ZNF672: variants seen among roughly 807,000 people sequenced by gnomAD.
ZNF672 encodes the protein hypothetical protein FLJ22301.
For synonymous variants in ZNF672, 358 were observed against 305.6 expected (o/e 1.17, Z -1.79); for missense variants, 733 against 701.1 (o/e 1.05, Z -0.51).
intron 1 of ZNF672, among the ~76,000 whole-genome samples, chr1:248,839,898 C>T (rs1051667497): frequency 1.3e-5 from 2 of 151,666 alleles, no homozygotes; most frequent in Admixed American, 1.3e-4. Context: ...GCCACCACAC[C>T]TGGCTGATTT....
Position 248,848,705 on chromosome 1 carries a change from G to A in ZNF672, c.*72G>A. 6.7e-7 allele frequency: 1 copy of A among 1,491,796 alleles called. No individual in the cohort carries two copies. Among genetic ancestry groups the A allele is most frequent in the Non-Finnish European group, 8.9e-7 (1 of 1,122,072 alleles). The allele number at this position is 1,491,796 out of a possible 1,614,324, so 92.4% of individuals were successfully genotyped here. A position where few individuals can be genotyped will look rare whatever the true frequency, so the allele number is the denominator to read the frequency against. On this transcript the variant is annotated 3_prime_UTR_variant, in exon 4 of 4. Coordinates refer to ENST00000306562, the MANE Select transcript of ZNF672 (RefSeq NM_024836.3). ...CCTATATAGTATCACGGGGACAGTT[G>A]AGGCAACTCGTAGATGGAGATTTGG...
chr1:248,845,534 T>C (rs887290221), intron 2 of ZNF672, 32 bp from the exon 3 acceptor site: 1 of 152,152 alleles, frequency 6.6e-6, no homozygotes, highest in Non-Finnish European at 1.5e-5. Flanking sequence ...TAATTCACAT[T>C]TTCCCTTTTA....
rs758032070 is a variant in ZNF672 at position 248,847,854 on chromosome 1, C to T, written c.580C>T (p.Arg194Cys). The T allele has an allele frequency of 4.6e-5, 73 of 1,582,460 alleles. 1 individual carries two copies. The East Asian group carries it at 1.0e-3, about 22-fold the overall frequency. ...IHVSRSPTRPRVSDAHQCGVC... is the reference protein window; with the variant it reads ...IHVSRSPTRPCVSDAHQCGVC... ...CGTGTCCCGGAGCCCCACGCGACCC[C>T]GTGTCTCAGACGCCCACCAGTGTGG... is the stretch of plus-strand genomic sequence containing the variant. The change falls in exon 4 of 4, where the codon CGT (arginine) becomes TGT (cysteine). Residue 194 changes from arginine (R) to cysteine (C), a missense_variant. Arg to Cys is a radical substitution (Grantham distance 180). Transcript: ENST00000306562.
chr1:248,844,016 C>T (rs1664718882), intron 1 of ZNF672, among the ~76,000 whole-genome samples: 1 of 152,176 alleles, frequency 6.6e-6, no homozygotes. Flanking sequence ...TCTTTTGTCC[C>T]ACCCCAGAAA....
intron 3 of ZNF672, 76 bp from the exon 4 acceptor site, chr1:248,846,976 C>G: frequency 2.6e-6 from 1 of 390,454 alleles, no homozygotes; most frequent in Non-Finnish European, 4.7e-6. Context: ...GAAGTTATAA[C>G]AAATAGGGAG....
intron 3 of ZNF672, among the ~76,000 whole-genome samples, chr1:248,846,809 A>G (rs954636180): frequency 2.6e-5 from 4 of 152,094 alleles, no homozygotes; most frequent in Non-Finnish European, 5.9e-5. Context: ...GCTAAATGCA[A>G]GCTCCCCTTT....
rs1405345456 is a variant in ZNF672 at position 248,848,933 on chromosome 1, G to A, written c.*300G>A. 2.0e-5 allele frequency: 13 copies of A among 662,854 alleles called. No individual in the cohort carries two copies. The highest frequency in any genetic ancestry group is 3.1e-5 in the Non-Finnish European group (11 of 350,048). The allele number at this position is 662,854 out of a possible 1,614,324, so 41.1% of individuals were successfully genotyped here. ...TGTGCAAGAGCCCAGGTGTTGGTGT[G>A]TCCCTTTAATGCTACTGTGCTCTCT... On this transcript the variant is annotated 3_prime_UTR_variant, in exon 4 of 4. Coordinates refer to ENST00000306562, the MANE Select transcript of ZNF672 (RefSeq NM_024836.3).
chr1:248,847,525 G>T lies in ZNF672; in HGVS notation c.251G>T (p.Arg84Leu), dbSNP rs1314353840. 1.9e-6 allele frequency: 3 copies of T among 1,597,128 alleles called. No individual in the cohort carries two copies. The African/African-American group carries it at 4.0e-5, about 21-fold the overall frequency. ...ECGQSFRHSG[R>L]LDLHLGAHRQ... is the part of the protein sequence containing the mutation. The stretch of plus-strand genomic sequence containing the variant: ...GGACAAAGCTTCCGCCACAGCGGCC[G>T]TCTTGACCTACACTTGGGCGCACAC... The change falls in exon 4 of 4, where the codon CGT becomes CTT. Residue 84 changes from arginine (R) to leucine (L), a missense_variant. Transcript: ENST00000306562.
At position 248,848,219 on chromosome 1, in the gene ZNF672, G is replaced by A. The variant is rs749040030; in HGVS notation, c.945G>A (p.Glu315=). The A allele has an allele frequency of 6.2e-7, 1 of 1,600,530 alleles. No homozygotes were observed. Among genetic ancestry groups the A allele is most frequent in the Non-Finnish European group, 8.5e-7 (1 of 1,177,174 alleles). The part of the protein sequence containing the change: ...HTGEKPFACP[E]CGRRFSDRSD... ...GCGAGAAGCCCTTCGCGTGCCCCGA[G>A]TGCGGCCGCCGCTTCAGCGACCGCT... The change falls in exon 4 of 4, where the codon GAG becomes GAA. Residue 315 remains glutamate (E), a synonymous_variant. Transcript: ENST00000306562.
intron 1 of ZNF672, among the ~76,000 whole-genome samples, chr1:248,839,978 A>G (rs1156368616): frequency 1.3e-5 from 2 of 151,926 alleles, no homozygotes; most frequent in Non-Finnish European, 2.9e-5. Context: ...ACCTCAAGTG[A>G]TCCGCCCGCC....
intron 1 of ZNF672, chr1:248,839,537 A>C (rs537044391): frequency 6.6e-6 from 1 of 152,232 alleles, no homozygotes; most frequent in Non-Finnish European, 1.5e-5. Flanking sequence ...CCAGCTCCGC[A>C]GGAGGCTGAG....
rs1416250170 is a variant in ZNF672, at chr1:248,847,043, TC to T, written c.-223-5del. 1.8e-6 allele frequency: 1 copy of T among 559,168 alleles called. No individual in the cohort carries two copies. Among genetic ancestry groups the T allele is most frequent in the African/African-American group, 1.9e-5 (1 of 53,358 alleles). The allele number at this position is 559,168 out of a possible 1,614,324, so 34.6% of individuals were successfully genotyped here. ...GCTGCAGAGGCTCACAATGACCTTC[TC>T]CCCACAGGCTCACGGTGCAGGGTGA... is the stretch of plus-strand genomic sequence containing the variant. On this transcript the variant is annotated splice_polypyrimidine_tract_variant and splice_region_variant and intron_variant, in intron 3 of 3. Coordinates refer to ENST00000306562, the MANE Select transcript of ZNF672 (RefSeq NM_024836.3).
rs1469035615 is a variant in ZNF672 at position 248,844,603 on chromosome 1, G to A, written c.-354G>A. 1 of 152,244 alleles carries A rather than the reference G, an allele frequency of 6.6e-6. No individual in the cohort carries two copies. Among genetic ancestry groups the A allele is most frequent in the African/African-American group, 2.4e-5 (1 of 41,462 alleles). 9.4% of individuals were successfully genotyped at this position (152,244 alleles called of 1,614,324 possible). ...AAGCGCCAAACCTGTACCCTAGCGAGTGTCCTACTCCGCATCCGTAATGGA... is the reference window on the plus strand; with the variant it reads ...AAGCGCCAAACCTGTACCCTAGCGAATGTCCTACTCCGCATCCGTAATGGA... On this transcript the variant is annotated 5_prime_UTR_variant, in exon 2 of 4. In the 5' UTR this introduces an upstream ATG that the reference lacks. Coordinates refer to ENST00000306562, the MANE Select transcript of ZNF672 (RefSeq NM_024836.3).
chr1:248,847,610 G>C lies in ZNF672; in HGVS notation c.336G>C (p.Pro112=). The C allele has an allele frequency of 6.5e-7, 1 of 1,533,678 alleles. No individual in the cohort carries two copies. The highest frequency in any genetic ancestry group is 8.7e-7 in the Non-Finnish European group (1 of 1,143,982). The stretch of plus-strand genomic sequence containing the variant: ...GCGGCCGGCGCTTCCCGCACCTCCC[G>C]GCGCTGCTGCTACACCGGCGCCGCC... ...RTCGRRFPHL[P]ALLLHRRRQH... The change falls in exon 4 of 4, where the codon CCG becomes CCC. Residue 112 remains proline (P), a synonymous_variant. Coordinates refer to ENST00000306562, the MANE Select transcript of ZNF672 (RefSeq NM_024836.3).
chr1:248,842,487 C>T (rs937182226), intron 1 of ZNF672, among the ~76,000 whole-genome samples: 4 of 151,952 alleles, frequency 2.6e-5, no homozygotes, highest in Admixed American at 6.6e-5. Flanking sequence ...CCACAGCACC[C>T]GAGATCAGGG....
intron 1 of ZNF672, among the ~76,000 whole-genome samples, chr1:248,842,320 A>C (rs1185562112): frequency 6.6e-6 from 1 of 152,218 alleles, no homozygotes; most frequent in African/African-American, 2.4e-5. Context: ...ATCGTGATCC[A>C]GATACATTCT....
chr1:248,840,844 T>G (rs1038464652), intron 1 of ZNF672, among the ~76,000 whole-genome samples: 2 of 150,098 alleles, frequency 1.3e-5, no homozygotes, highest in African/African-American at 5.0e-5. Flanking sequence ...GGTAGTGCTG[T>G]GGAGGATATG....
At position 248,848,432 on chromosome 1, in the gene ZNF672, C is replaced by G. The variant is rs371794195; in HGVS notation, c.1158C>G (p.Arg386=). The G allele has an allele frequency of 8.1e-6, 13 of 1,607,126 alleles. No homozygotes were observed. In the African/African-American group the frequency reaches 1.7e-4, roughly 21 times the overall value. ...TCGCCTCCAAGCTTGCACTGCACCG[C>G]AAGACGCACCTGGGCGAACGGCCAG... ...FSVASKLALH[R]KTHLGERPAE... The change falls in exon 4 of 4, where the codon CGC becomes CGG. Residue 386 remains arginine, a synonymous_variant. Coordinates refer to ENST00000306562, the MANE Select transcript of ZNF672 (RefSeq NM_024836.3).
Position 248,845,736 on chromosome 1 carries a change from G to C in ZNF672, c.-224+74G>C, listed in dbSNP as rs1189519094. ...TGTATATGGGGGTATTTTAACCAAA[G>C]TTCTGAGTATTTATGATGAACTTTC... On this transcript the variant is annotated intron_variant, in intron 3 of 3. Transcript: ENST00000306562. 4 of 152,214 alleles carry C rather than the reference G, an allele frequency of 2.6e-5. No homozygotes were observed. The East Asian group carries it at 7.7e-4, about 29-fold the overall frequency. The allele number at this position is 152,214 out of a possible 1,614,324, so 9.4% of individuals were successfully genotyped here.
Sources: gnomAD v4.1 joint callset for allele counts (sites outside exome capture counted in the v4.1 genomes callset) on GRCh38, gnomAD v4.1.1 for gene constraint, MANE v1.5 for transcripts, NCBI Gene and HGNC (gene_info 2026-07-23, HGNC 2026-07-21) for gene names.